TANC1: variants seen among roughly 807,000 people sequenced by gnomAD.
TANC1 encodes tetratricopeptide repeat, ankyrin repeat and coiled-coil containing 1.
A neutral mutation model predicts 149.7 loss-of-function variants in TANC1; 77 were observed. The observed-to-expected ratio is 0.51, with a 90% confidence interval of 0.43 to 0.62. TANC1 has a LOEUF of 0.62. TANC1 is among the 20% of genes least tolerant of loss of function. TANC1 has a pLI of 0.00. For missense variants in TANC1, 1,985 were observed against 2,321.8 expected (o/e 0.85, Z 2.98); for synonymous variants, 854 against 925.0 (o/e 0.92, Z 1.39).
chr2:158,972,213 A>G (rs1416388806), intron 1 of TANC1, among the ~76,000 whole-genome samples: 1 of 152,246 alleles, frequency 6.6e-6, no homozygotes, highest in Non-Finnish European at 1.5e-5. Flanking sequence ...TAACCCAGAC[A>G]GCATTCTTAA....
intron 3 of TANC1, among the ~76,000 whole-genome samples, chr2:159,074,471 G>T (rs551818676): frequency 6.0e-4 from 92 of 152,250 alleles, no homozygotes; most frequent in African/African-American, 2.1e-3. Flanking sequence ...GAGGCTAAGA[G>T]CCTGGAGGTA....
At chr2:159,203,085 G>A (rs549916734) in intron 19 of TANC1, among the ~76,000 whole-genome samples, 2 of 152,142 alleles carry the variant, frequency 1.3e-5, no homozygotes, top group African/African-American at 4.8e-5. Flanking sequence ...TCCAGCACTT[G>A]CCATTCAGGC....
intron 2 of TANC1, among the ~76,000 whole-genome samples, chr2:159,063,066 C>CT (rs1334562944): frequency 6.7e-6 from 1 of 149,892 alleles, no homozygotes; most frequent in African/African-American, 2.5e-5. Context: ...TCAGAATTGT[C>CT]TGTCAGCAAG....
rs55746240 is a variant in TANC1, at chr2:159,019,653, G to GTTTTTTTTTTT, written c.-16+18487_-16+18497dup. ...CCTAACTGCAGCTTGCTTTCTTTCT[G>GTTTTTTTTTTT]TTTTTTTTTTTTTTTTTTTTTTTTT... On this transcript the variant is annotated intron_variant, in intron 2 of 26. Coordinates refer to ENST00000263635, the MANE Select transcript of TANC1 (RefSeq NM_033394.3). 8.0e-4 allele frequency among the ~76,000 whole-genome samples: 59 copies of GTTTTTTTTTTT among 73,302 alleles called. 9 individuals carry two copies. The highest frequency in any genetic ancestry group is 1.1e-3 in the Non-Finnish European group (45 of 39,228). The allele number at this position is 73,302 out of a possible 152,430, so 48.1% of individuals were successfully genotyped here.
At chr2:159,219,420 G>T in intron 21 of TANC1, 59 bp downstream of exon 21, 1 of 1,604,764 alleles carries the variant, frequency 6.2e-7, no homozygotes, top group South Asian at 1.1e-5. Context: ...AACTTCAGCA[G>T]ACCCATTCAG....
chr2:159,019,756 G>T (rs2038650960), intron 2 of TANC1, among the ~76,000 whole-genome samples: 1 of 141,920 alleles, frequency 7.0e-6, no homozygotes, highest in Non-Finnish European at 1.5e-5. Flanking sequence ...AAGTAGCTGG[G>T]ACTACAGGTG....
At chr2:159,142,537 T>A (rs1440925242) in intron 5 of TANC1, among the ~76,000 whole-genome samples, 2 of 152,222 alleles carry the variant, frequency 1.3e-5, no homozygotes, top group African/African-American at 2.4e-5. Flanking sequence ...TTTTTAATAT[T>A]CTGTGTGATG....
intron 2 of TANC1, among the ~76,000 whole-genome samples, chr2:159,022,962 T>C (rs1198698001): frequency 6.6e-6 from 1 of 152,144 alleles, no homozygotes; most frequent in African/African-American, 2.4e-5. Flanking sequence ...GGGTGTGTGA[T>C]GATAAACAAA....
chr2:159,183,541 G>A (rs2159877), intron 14 of TANC1, among the ~76,000 whole-genome samples: 1 of 151,876 alleles, frequency 6.6e-6, no homozygotes, highest in African/African-American at 2.4e-5. Context: ...GGGAAATGAC[G>A]GTTAAGAGGA....
At chr2:159,015,596 T>C (rs2038192666) in intron 2 of TANC1, among the ~76,000 whole-genome samples, 1 of 152,202 alleles carries the variant, frequency 6.6e-6, no homozygotes, top group African/African-American at 2.4e-5. Flanking sequence ...AGGTTGCAAA[T>C]TTTCTGAACT....
rs2056182389 is a variant in TANC1 at position 159,179,134 on chromosome 2, G to A, written c.2481G>A (p.Gly827=). 4.3e-6 allele frequency: 7 copies of A among 1,612,744 alleles called. No individual in the cohort carries two copies. The highest frequency in any genetic ancestry group is 1.1e-5 in the South Asian group (1 of 90,972). The part of the protein sequence containing the change: ...FREWLVWRAD[G]ENTAFLCEPR... Reference sequence around the variant, plus strand: ...AGTGGCTTGTATGGAGAGCAGACGGGGAAAACACGGCCTTCCTGTGTGAGC... The same window carrying A: ...AGTGGCTTGTATGGAGAGCAGACGGAGAAAACACGGCCTTCCTGTGTGAGC... Residue 827 remains glycine, a synonymous_variant, in exon 14 of 27, where the codon GGG becomes GGA. Transcript: ENST00000263635.
intron 14 of TANC1, among the ~76,000 whole-genome samples, chr2:159,182,837 T>C (rs1559412561): frequency 6.6e-6 from 1 of 152,150 alleles, no homozygotes; most frequent in African/African-American, 2.4e-5. Context: ...TTTTTTGGGG[T>C]TGCACAGGAA....
At chr2:158,981,542 T>TAA (rs1179340004) in intron 1 of TANC1, among the ~76,000 whole-genome samples, 9 of 88,394 alleles carry the variant, frequency 1.0e-4, no homozygotes, top group Non-Finnish European at 1.9e-4. Flanking sequence ...TATATATATA[T>TAA]AAAGAAGTAA....
chr2:159,097,697 C>T lies in TANC1; in HGVS notation c.122C>T (p.Pro41Leu), dbSNP rs774189165. ...VLHLDHSADS[P>L]VSSLPTAEDT... Reference sequence around the variant, plus strand: ...CACCTTGACCACAGTGCTGACTCTCCTGTGAGCAGTCTTCCCACAGCAGAG... The same window carrying T: ...CACCTTGACCACAGTGCTGACTCTCTTGTGAGCAGTCTTCCCACAGCAGAG... The change falls in exon 4 of 27, where the codon CCT becomes CTT. Residue 41 changes from proline to leucine, a missense_variant. Coordinates refer to ENST00000263635, the MANE Select transcript of TANC1 (RefSeq NM_033394.3). 10 of 1,614,050 alleles carry T rather than the reference C, an allele frequency of 6.2e-6. No homozygotes were observed. In the African/African-American group the frequency reaches 1.3e-4, roughly 22 times the overall value.
At chr2:159,226,232 A>AT (rs1341048543) in intron 24 of TANC1, 4 of 179,096 alleles carry the variant, frequency 2.2e-5, no homozygotes, top group Non-Finnish European at 1.1e-5. Context: ...TGTTGGCTTA[A>AT]TATCTTTCCG....
chr2:158,988,842 C>A (rs1254015670), intron 1 of TANC1, among the ~76,000 whole-genome samples: 3 of 152,180 alleles, frequency 2.0e-5, no homozygotes, highest in African/African-American at 7.2e-5. Context: ...GACTGGACCC[C>A]TGCCACCTCC....
chr2:159,097,691 A>T lies in TANC1; in HGVS notation c.116A>T (p.Asp39Val), dbSNP rs1253745427. 3 of 1,613,876 alleles carry T rather than the reference A, an allele frequency of 1.9e-6. No individual in the cohort carries two copies. Among genetic ancestry groups the T allele is most frequent in the South Asian group, 2.2e-5 (2 of 91,060 alleles). Residue 39 changes from aspartate to valine, a missense_variant, in exon 4 of 27, where the codon GAC becomes GTC. By Grantham distance (152) the Asp-to-Val change is radical (BLOSUM62 -3). This residue lies in a region of TANC1 where 557 missense variants were observed against 612.9 expected (regional missense o/e 0.91). Coordinates refer to ENST00000263635, the MANE Select transcript of TANC1 (RefSeq NM_033394.3). ...SPVLHLDHSA[D>V]SPVSSLPTAE... The stretch of plus-strand genomic sequence containing the variant: ...GTCCTGCACCTTGACCACAGTGCTG[A>T]CTCTCCTGTGAGCAGTCTTCCCACA...
At chr2:159,032,406 T>A (rs577332978) in intron 2 of TANC1, among the ~76,000 whole-genome samples, 25 of 152,286 alleles carry the variant, frequency 1.6e-4, no homozygotes, top group African/African-American at 5.8e-4. Context: ...CATGTGGATA[T>A]CTCTCCTGGA....
intron 4 of TANC1, among the ~76,000 whole-genome samples, chr2:159,132,928 C>G (rs1358123260): frequency 6.6e-6 from 1 of 152,092 alleles, no homozygotes; most frequent in Non-Finnish European, 1.5e-5. Flanking sequence ...AACAGGCAGG[C>G]ACGTGGATGC....
Sources: allele counts gnomAD v4.1 joint callset (sites outside exome capture counted in the v4.1 genomes callset), GRCh38; gene constraint gnomAD v4.1.1; regional missense constraint gnomAD v4.1.1; transcripts MANE v1.5; gene names NCBI Gene and HGNC (gene_info 2026-07-23, HGNC 2026-07-21).